The following RMP64 variants were observed in gnomAD, a reference collection of about 807,000 sequenced individuals.
RMP64 encodes the protein nucleolus and neural progenitor protein.
chr3:113,017,672 T>A, the RMP64 span: 11 of 1,339,578 alleles, frequency 8.2e-6, no homozygotes, highest in Admixed American at 8.3e-5. Context: ...AAAAACACAC[T>A]AAAAAAAGCA....
the RMP64 span, chr3:113,005,477 A>G: frequency 1.7e-4 from 186 of 1,107,608 alleles, no homozygotes; most frequent in East Asian, 3.7e-3. Flanking sequence ...TAGCAGTTCT[A>G]CTTAGAACAC....
At chr3:113,003,967 T>C in the RMP64 span, 2 of 152,182 alleles carry the variant, frequency 1.3e-5, no homozygotes, top group African/African-American at 4.8e-5. Context: ...AGCCCTATGG[T>C]CCACAAAGCT....
the RMP64 span, chr3:113,005,179 G>GAC: frequency 3.6e-6 from 1 of 275,648 alleles, no homozygotes; most frequent in Non-Finnish European, 7.0e-6. Flanking sequence ...TTTACCTCAA[G>GAC]ACACAATGGT....
the RMP64 span, chr3:113,003,475 A>G: frequency 6.6e-6 from 1 of 152,198 alleles, no homozygotes; most frequent in Admixed American, 6.5e-5. Flanking sequence ...TTTATTTGGA[A>G]AAAGTAACTG....
the RMP64 span, among the ~76,000 whole-genome samples, chr3:113,016,625 T>G: frequency 6.6e-6 from 1 of 152,140 alleles, no homozygotes; most frequent in Non-Finnish European, 1.5e-5. Context: ...TCCCAGATCT[T>G]TCTTTGATGA....
the RMP64 span, chr3:113,003,463 GATTT>G: frequency 6.9e-6 from 1 of 145,328 alleles, no homozygotes; most frequent in Non-Finnish European, 1.5e-5. Context: ...TAAATATTTG[GATTT>G]ATTTGGAAAA....
chr3:113,006,525 A>C, the RMP64 span, among the ~76,000 whole-genome samples: 1 of 152,186 alleles, frequency 6.6e-6, no homozygotes, highest in African/African-American at 2.4e-5. Context: ...AGCTACCCTA[A>C]TTATGATTCA....
chr3:113,008,548 A>G, the RMP64 span: 1 of 833,406 alleles, frequency 1.2e-6, no homozygotes, highest in South Asian at 1.7e-5. Context: ...CAGTCCCTAA[A>G]TGCTTGAAGT....
chr3:113,006,011 AAGAC>A, the RMP64 span: 28 of 1,593,734 alleles, frequency 1.8e-5, no homozygotes, highest in East Asian at 3.6e-4. Context: ...CAAACTTTAA[AAGAC>A]AGAGAGAGGA....
At chr3:113,017,513 A>C in the RMP64 span, 2 of 1,614,208 alleles carry the variant, frequency 1.2e-6, no homozygotes, top group South Asian at 1.1e-5. Flanking sequence ...AGGACTGCAC[A>C]TAACACATCT....
At chr3:113,013,198 A>G in the RMP64 span, 1 of 1,543,842 alleles carries the variant, frequency 6.5e-7, no homozygotes, top group East Asian at 2.2e-5. Flanking sequence ...TTAGCTTTCA[A>G]ACAAAAATAC....
chr3:113,006,677 G>A, the RMP64 span, among the ~76,000 whole-genome samples: 2 of 152,100 alleles, frequency 1.3e-5, no homozygotes, highest in African/African-American at 4.8e-5. Context: ...TTTAAAAGAC[G>A]GGCATGGATA....
At chr3:113,009,966 G>A in the RMP64 span, among the ~76,000 whole-genome samples, 3 of 98,802 alleles carry the variant, frequency 3.0e-5, no homozygotes, top group African/African-American at 5.3e-5. Context: ...TGCAAAGACA[G>A]GGTTAAAAAA....
the RMP64 span, chr3:113,017,342 T>C: frequency 1.1e-6 from 1 of 939,214 alleles, no homozygotes; most frequent in South Asian, 2.1e-5. Context: ...CACAAGTAAT[T>C]TACTGAGATT....
the RMP64 span, chr3:113,005,565 C>T: frequency 1.2e-6 from 2 of 1,612,712 alleles, no homozygotes; most frequent in Non-Finnish European, 1.7e-6. Flanking sequence ...AAAATATCAT[C>T]AATGTCATCT....
At chr3:113,013,853 G>T in the RMP64 span, 5 of 861,680 alleles carry the variant, frequency 5.8e-6, no homozygotes, top group African/African-American at 1.7e-5. Flanking sequence ...GGTATAATTG[G>T]TTATATTCCA....
the RMP64 span, chr3:113,013,127 GA>G: frequency 1.2e-6 from 1 of 841,576 alleles, no homozygotes; most frequent in Non-Finnish European, 1.9e-6. Context: ...CAATTCCTGA[GA>G]AAAGGAGGCC....
chr3:113,011,448 C>T, the RMP64 span: 5 of 1,505,628 alleles, frequency 3.3e-6, no homozygotes, highest in African/African-American at 5.6e-5. Context: ...CCAGTAATTA[C>T]AATTTGCAGA....
chr3:113,004,018 T>C, the RMP64 span: 6 of 152,172 alleles, frequency 3.9e-5, no homozygotes, highest in African/African-American at 1.4e-4. Context: ...TATTTCCCAA[T>C]AGGTAAAGGA....
Sources: allele counts gnomAD v4.1 joint callset (sites outside exome capture counted in the v4.1 genomes callset), GRCh38; gene constraint gnomAD v4.1.1; transcripts MANE v1.5; gene names NCBI Gene and HGNC (gene_info 2026-07-23, HGNC 2026-07-21).